Variants in ZNF804B observed in about 807,000 individuals in gnomAD.
ZNF804B encodes zinc finger protein 804B, also known as zinc finger 804B.
ZNF804B carries 80 observed loss-of-function variants against 101.4 expected under a neutral mutation model. That is an observed-to-expected ratio of 0.79 (90% CI 0.66 to 0.95). ZNF804B has a LOEUF of 0.95. Among genes scored for constraint, ZNF804B ranks in the 40% least tolerant of loss-of-function variants. The pLI is 0.00. For synonymous variants in ZNF804B, 622 were observed against 558.8 expected, an observed-to-expected ratio of 1.11 and a Z score of -1.59; for missense variants, 1,673 against 1,561.9, an observed-to-expected ratio of 1.07 and a Z score of -1.20.
chr7:89,040,046 T>G (rs1788992465), intron 1 of ZNF804B, among the ~76,000 whole-genome samples: 1 of 152,054 alleles, frequency 6.6e-6, no homozygotes, highest in Admixed American at 6.5e-5. Context: ...ATTTTTCTGT[T>G]ATTATTTATT....
chr7:89,053,334 T>C (rs1196834955), intron 1 of ZNF804B, among the ~76,000 whole-genome samples: 1 of 152,112 alleles, frequency 6.6e-6, no homozygotes, highest in Non-Finnish European at 1.5e-5. Context: ...GTGTTTCTTG[T>C]CACTCTCTCT....
chr7:89,146,049 A>G (rs1274095989), intron 1 of ZNF804B, among the ~76,000 whole-genome samples: 1 of 152,082 alleles, frequency 6.6e-6, no homozygotes, highest in Non-Finnish European at 1.5e-5. Context: ...AATGATGTTG[A>G]AACTCATTAT....
intron 1 of ZNF804B, among the ~76,000 whole-genome samples, chr7:88,922,914 T>C (rs996984976): frequency 6.6e-6 from 1 of 151,894 alleles, no homozygotes; most frequent in Admixed American, 6.6e-5. Context: ...ATTGGAAAAA[T>C]ATATTTGAGT....
intron 1 of ZNF804B, among the ~76,000 whole-genome samples, 178 bp from the exon 2 acceptor site, chr7:89,217,977 T>C (rs1788922537): frequency 6.6e-6 from 1 of 152,058 alleles, no homozygotes; most frequent in South Asian, 2.1e-4. Context: ...TCATGATATG[T>C]CAGTTGATAA....
intron 1 of ZNF804B, among the ~76,000 whole-genome samples, chr7:89,169,347 A>G (rs1187598359): frequency 1.3e-5 from 2 of 152,160 alleles, no homozygotes; most frequent in Non-Finnish European, 2.9e-5. Context: ...TTATATCCCA[A>G]TCATTGTCCC....
In ZNF804B at chr7:88,769,679, C is replaced by CT. The variant is rs544057985; in HGVS notation, c.108+9603dup. Among the ~76,000 whole-genome samples, 104 of 151,910 alleles carry CT rather than the reference C, an allele frequency of 6.8e-4. No individual in the cohort carries two copies. The South Asian group carries it at 0.021, about 31-fold the overall frequency. ...AAAAATAGTGTTTTGTAATCTTTTTCTTTTTTTTGAAAGAGAGACAATAAT... is the reference window on the plus strand; with the variant it reads ...AAAAATAGTGTTTTGTAATCTTTTTCTTTTTTTTTGAAAGAGAGACAATAAT... On this transcript the variant is annotated intron_variant, in intron 1 of 3. Transcript: ENST00000333190.
intron 1 of ZNF804B, among the ~76,000 whole-genome samples, chr7:88,872,760 A>G (rs1176122909): frequency 2.0e-5 from 3 of 149,834 alleles, no homozygotes; most frequent in African/African-American, 5.0e-5. Flanking sequence ...GAGAATGATG[A>G]TTTCCAATTT....
chr7:88,930,859 A>G (rs1792874626), intron 1 of ZNF804B, among the ~76,000 whole-genome samples: 1 of 151,936 alleles, frequency 6.6e-6, no homozygotes, highest in South Asian at 2.1e-4. Flanking sequence ...CTATGATAAT[A>G]CTGCAAGTAC....
chr7:89,215,672 C>T (rs1001202698), intron 1 of ZNF804B, among the ~76,000 whole-genome samples: 4 of 144,424 alleles, frequency 2.8e-5, no homozygotes, highest in East Asian at 2.0e-4. Context: ...TCACGAGGTC[C>T]GGAGATCAAG....
Position 89,315,166 on chromosome 7 carries a change from G to A in ZNF804B, c.250-12178G>A, listed in dbSNP as rs77812817. ...GGTGAGAGCGAGAGCAAGGCGGGGC[G>A]GAGGTGCTACACACTTTTATACAAT... On this transcript the variant is annotated intron_variant, in intron 2 of 3. Transcript: ENST00000333190. 9.3e-3 allele frequency among the ~76,000 whole-genome samples: 1,409 copies of A among 152,148 alleles called. 12 individuals carry two copies. The highest frequency in any genetic ancestry group is 0.03 in the African/African-American group (1,237 of 41,498).
chr7:88,947,475 T>C (rs1478721163), intron 1 of ZNF804B, among the ~76,000 whole-genome samples: 2 of 150,252 alleles, frequency 1.3e-5, no homozygotes, highest in East Asian at 4.0e-4. Context: ...TGAGAACACG[T>C]GGACACAGGG....
chr7:88,837,359 A>C (rs1164556036), intron 1 of ZNF804B, among the ~76,000 whole-genome samples: 1 of 151,984 alleles, frequency 6.6e-6, no homozygotes, highest in Non-Finnish European at 1.5e-5. Context: ...TGTGACATCC[A>C]CTGTGAGTTG....
At chr7:88,820,350 C>G (rs557360424) in intron 1 of ZNF804B, among the ~76,000 whole-genome samples, 2 of 152,332 alleles carry the variant, frequency 1.3e-5, no homozygotes, top group East Asian at 3.9e-4. Context: ...TCTTAAGCAT[C>G]ATCCCTGCTG....
chr7:88,901,321 T>C (rs1438575629), intron 1 of ZNF804B, among the ~76,000 whole-genome samples: 1 of 151,892 alleles, frequency 6.6e-6, no homozygotes, highest in Non-Finnish European at 1.5e-5. Context: ...CCATTCCATA[T>C]ATTAAAAATT....
At chr7:88,878,173 C>T (rs1378632633) in intron 1 of ZNF804B, among the ~76,000 whole-genome samples, 1 of 152,118 alleles carries the variant, frequency 6.6e-6, no homozygotes, top group Non-Finnish European at 1.5e-5. Flanking sequence ...AATTCTTCCA[C>T]TGGTGGTAAT....
intron 1 of ZNF804B, among the ~76,000 whole-genome samples, chr7:89,138,838 G>A (rs1361520247): frequency 6.6e-6 from 1 of 152,100 alleles, no homozygotes; most frequent in African/African-American, 2.4e-5. Flanking sequence ...CCATTCATGT[G>A]AGACATGACT....
chr7:88,931,131 A>C (rs753440632), intron 1 of ZNF804B, among the ~76,000 whole-genome samples: 4 of 151,934 alleles, frequency 2.6e-5, no homozygotes, highest in Admixed American at 6.6e-5. Flanking sequence ...CAAAAGTTGC[A>C]TACACAGTAT....
chr7:89,143,509 C>A (rs1453395521), intron 1 of ZNF804B, among the ~76,000 whole-genome samples: 1 of 151,924 alleles, frequency 6.6e-6, no homozygotes, highest in African/African-American at 2.4e-5. Flanking sequence ...GATGATCTGC[C>A]ACTTTGGGAT....
chr7:88,961,318 G>C (rs981804313), intron 1 of ZNF804B, among the ~76,000 whole-genome samples: 3 of 151,212 alleles, frequency 2.0e-5, no homozygotes, highest in African/African-American at 7.3e-5. Flanking sequence ...TTCTTTGTTT[G>C]GGTGGAACCA....
Sources: allele counts gnomAD v4.1 joint callset (sites outside exome capture counted in the v4.1 genomes callset), GRCh38; gene constraint gnomAD v4.1.1; transcripts MANE v1.5; gene names NCBI Gene and HGNC (gene_info 2026-07-23, HGNC 2026-07-21).